The following DAB1 variants were observed in gnomAD, a reference collection of about 807,000 sequenced individuals.
DAB1 encodes the protein DAB adaptor protein 1.
Under a neutral mutation model 64.6 loss-of-function variants are expected in DAB1, and 15 were observed. The ratio of observed to expected loss-of-function variants is 0.23; its 90% CI spans 0.16 to 0.36. DAB1 has a LOEUF of 0.36. Ranked by LOEUF, DAB1 falls within the 10% of genes least tolerant of loss-of-function variation. DAB1 has a pLI of 1.00. For synonymous variants in DAB1, 235 were observed against 251.9 expected (o/e 0.93, Z 0.64); for missense variants, 596 against 706.7 (o/e 0.84, Z 1.78).
At chr1:58,025,651 GTATATATATATATATATA>G (rs763787466) in intron 5 of DAB1, among the ~76,000 whole-genome samples, 11 of 75,292 alleles carry the variant, frequency 1.5e-4, no homozygotes, top group South Asian at 1.3e-3. Context: ...ATATATGTGT[GTATATATATATATATATA>G]TATATATATA....
At chr1:57,133,847 T>C (rs1430567592) in intron 4 of DAB1, among the ~76,000 whole-genome samples, 3 of 152,076 alleles carry the variant, frequency 2.0e-5, no homozygotes, top group Non-Finnish European at 2.9e-5. Flanking sequence ...TTCTTTGATA[T>C]GGAAAAAAAA....
chr1:57,199,311 AAACCCACACAGAGACTTCAGCAAGGGCAG>A (rs1166990678), intron 2 of DAB1, among the ~76,000 whole-genome samples: 2 of 152,210 alleles, frequency 1.3e-5, no homozygotes, highest in African/African-American at 4.8e-5. Context: ...TTACCTTAAA[AAACCCACACAGAGACTTCAGCAAGGGCAG>A]CAGGACTGCC....
intron 1 of DAB1, among the ~76,000 whole-genome samples, chr1:57,372,812 T>C (rs542152281): frequency 1.3e-5 from 2 of 152,306 alleles, no homozygotes; most frequent in South Asian, 4.1e-4. Flanking sequence ...GATGAATATA[T>C]GATACACTTC....
intron 12 of DAB1, among the ~76,000 whole-genome samples, chr1:57,011,767 A>G (rs1051913364): frequency 2.0e-5 from 3 of 152,224 alleles, no homozygotes; most frequent in Non-Finnish European, 4.4e-5. Context: ...AATATCTCTA[A>G]TCCTCATAAA....
At chr1:57,799,605 A>G (rs571743909) in intron 6 of DAB1, among the ~76,000 whole-genome samples, 1 of 150,760 alleles carries the variant, frequency 6.6e-6, no homozygotes, top group Non-Finnish European at 1.5e-5. Context: ...TTTCAGGAAG[A>G]TTAAACTGGC....
chr1:57,412,382 A>G (rs887088474), intron 1 of DAB1, among the ~76,000 whole-genome samples: 13 of 152,240 alleles, frequency 8.5e-5, no homozygotes, highest in African/African-American at 2.4e-4. Context: ...TGGGGAAGGC[A>G]TGTTGAAAGC....
At chr1:57,725,509 A>G (rs1444266502) in intron 6 of DAB1, among the ~76,000 whole-genome samples, 2 of 152,128 alleles carry the variant, frequency 1.3e-5, no homozygotes, top group Admixed American at 1.3e-4. Context: ...TCTCCTTGCA[A>G]CAGTAGTTTC....
At chr1:57,211,141 A>G (rs1186732085) in intron 2 of DAB1, among the ~76,000 whole-genome samples, 1 of 152,234 alleles carries the variant, frequency 6.6e-6, no homozygotes, top group African/African-American at 2.4e-5. Context: ...ACAAAAGTGA[A>G]ATTGACTGAC....
intron 1 of DAB1, chr1:58,533,901 G>T: frequency 1.2e-6 from 1 of 838,608 alleles, no homozygotes; most frequent in Non-Finnish European, 2.1e-6. Context: ...GATTTAACTT[G>T]TTAACTTCAA....
At chr1:57,810,445 G>A (rs1446864143) in intron 6 of DAB1, among the ~76,000 whole-genome samples, 3 of 152,184 alleles carry the variant, frequency 2.0e-5, no homozygotes, top group Non-Finnish European at 2.9e-5. Context: ...AACTGTGTGT[G>A]TGTATTTGTG....
intron 3 of DAB1, chr1:58,481,092 T>C (rs753311863): frequency 5.7e-6 from 5 of 872,114 alleles, no homozygotes; most frequent in Admixed American, 3.4e-5. Flanking sequence ...TTCAAGAAAA[T>C]GCTTCGTGCT....
chr1:58,136,487 A>G, intron 5 of DAB1, among the ~76,000 whole-genome samples: 1 of 152,220 alleles, frequency 6.6e-6, no homozygotes, highest in East Asian at 1.9e-4. Context: ...ACAGTAAGAA[A>G]GCTGAGCTCA....
chr1:57,740,417 C>G (rs1647929119), intron 6 of DAB1, among the ~76,000 whole-genome samples: 1 of 152,052 alleles, frequency 6.6e-6, no homozygotes, highest in South Asian at 2.1e-4. Flanking sequence ...GATACTAGAC[C>G]TCAGTACTAG....
chr1:58,285,233 G>GA (rs1661655751), intron 4 of DAB1, among the ~76,000 whole-genome samples: 1 of 152,238 alleles, frequency 6.6e-6, no homozygotes, highest in East Asian at 1.9e-4. Context: ...CATTCCCCTT[G>GA]AAAACCAGCA....
chr1:57,174,682 C>T (rs1473938377), intron 2 of DAB1, among the ~76,000 whole-genome samples: 1 of 152,092 alleles, frequency 6.6e-6, no homozygotes, highest in Non-Finnish European at 1.5e-5. Flanking sequence ...TTAGGCTCAC[C>T]ACTGCTTTGG....
intron 7 of DAB1, among the ~76,000 whole-genome samples, chr1:57,631,163 T>G (rs566097845): frequency 6.6e-6 from 1 of 152,288 alleles, no homozygotes; most frequent in African/African-American, 2.4e-5. Flanking sequence ...ACAAAACCTG[T>G]GTATAGTCTT....
At chr1:57,650,849 C>T (rs1341961509) in intron 6 of DAB1, among the ~76,000 whole-genome samples, 1 of 152,138 alleles carries the variant, frequency 6.6e-6, no homozygotes, top group Non-Finnish European at 1.5e-5. Flanking sequence ...TCCATCTCTG[C>T]CTCCCCTGTT....
chr1:57,695,964 A>T (rs534475544), intron 6 of DAB1, among the ~76,000 whole-genome samples: 1 of 152,294 alleles, frequency 6.6e-6, no homozygotes, highest in African/African-American at 2.4e-5. Flanking sequence ...TGTAGTTCCA[A>T]TAATCCCAAA....
intron 2 of DAB1, among the ~76,000 whole-genome samples, chr1:57,190,647 C>G (rs1664046764): frequency 6.6e-6 from 1 of 152,102 alleles, no homozygotes; most frequent in Non-Finnish European, 1.5e-5. Context: ...CAACCACTTC[C>G]ACACGTCTTT....
Sources: gnomAD v4.1 joint callset for allele counts (sites outside exome capture counted in the v4.1 genomes callset) on GRCh38, gnomAD v4.1.1 for gene constraint, MANE v1.5 for transcripts, NCBI Gene and HGNC (gene_info 2026-07-23, HGNC 2026-07-21) for gene names.